Variants in BMERB1 observed in about 807,000 individuals in gnomAD.
The protein encoded by BMERB1 is bMERB domain-containing protein 1.
In BMERB1, 12 loss-of-function variants were observed where a neutral mutation model predicts 23.6. The observed-to-expected ratio is 0.51, with a 90% CI of 0.33 to 0.82. The LOEUF is 0.82. BMERB1 is among the 40% of genes least tolerant of loss of function. The probability of loss-of-function intolerance (pLI) is 0.03; values close to 1 mark genes in which losing one functional copy is unlikely to be tolerated. For synonymous variants in BMERB1, 122 were observed against 96.6 expected, an observed-to-expected ratio of 1.26 and a Z score of -1.54; for missense variants, 247 against 255.4, an observed-to-expected ratio of 0.97 and a Z score of 0.22.
At chr16:15,571,896 G>A (rs1362178484) in intron 3 of BMERB1, among the ~76,000 whole-genome samples, 1 of 152,070 alleles carries the variant, frequency 6.6e-6, no homozygotes, top group African/African-American at 2.4e-5. Flanking sequence ...GAGGGCCAGA[G>A]AATGCAATCC....
chr16:15,510,593 G>C (rs1023992555), intron 1 of BMERB1, among the ~76,000 whole-genome samples: 1 of 152,228 alleles, frequency 6.6e-6, no homozygotes, highest in South Asian at 2.1e-4. Flanking sequence ...ACTCCCCAAG[G>C]CCACACAGCC....
intron 2 of BMERB1, among the ~76,000 whole-genome samples, chr16:15,544,703 C>T (rs1279299853): frequency 1.3e-5 from 2 of 152,200 alleles, no homozygotes; most frequent in East Asian, 3.8e-4. Context: ...AATAACACTA[C>T]TCCTGAAGGC....
At chr16:15,496,943 C>CAAA (rs2051479095) in intron 1 of BMERB1, among the ~76,000 whole-genome samples, 1 of 152,184 alleles carries the variant, frequency 6.6e-6, no homozygotes, top group South Asian at 2.1e-4. Flanking sequence ...GCCAGCCTTT[C>CAAA]ACCATTCACC....
At chr16:15,516,054 G>C (rs1263621820) in intron 2 of BMERB1, among the ~76,000 whole-genome samples, 1 of 152,146 alleles carries the variant, frequency 6.6e-6, no homozygotes, top group Non-Finnish European at 1.5e-5. Context: ...GAGTCCTGGA[G>C]TTCAAGGCTG....
rs375191807 is a variant in BMERB1, at chr16:15,552,205, C to T, written c.231-15778C>T. On this transcript the variant is annotated intron_variant, in intron 2 of 5. Coordinates refer to ENST00000300006, the MANE Select transcript of BMERB1 (RefSeq NM_033201.3). ...CTGTAATCCCAGCACTTTGGGAGGCCGAGGTGGGTGGATCACTTGAGGTCA... is the reference window on the plus strand; with the variant it reads ...CTGTAATCCCAGCACTTTGGGAGGCTGAGGTGGGTGGATCACTTGAGGTCA... 1.1e-4 allele frequency among the ~76,000 whole-genome samples: 16 copies of T among 152,020 alleles called. No homozygotes were observed. In the East Asian group the frequency reaches 2.1e-3, roughly 20 times the overall value.
chr16:15,562,270 T>C (rs1345798641), intron 2 of BMERB1, among the ~76,000 whole-genome samples: 1 of 142,172 alleles, frequency 7.0e-6, no homozygotes, highest in African/African-American at 2.6e-5. Context: ...GCCATTGCAC[T>C]CCAGCCTAGG....
intron 3 of BMERB1, among the ~76,000 whole-genome samples, chr16:15,577,694 C>T (rs2030902199): frequency 6.6e-6 from 1 of 152,132 alleles, no homozygotes; most frequent in South Asian, 2.1e-4. Flanking sequence ...TCTCTCCTCC[C>T]TTCATTTTCC....
chr16:15,584,460 A>G (rs1454141054), intron 5 of BMERB1, among the ~76,000 whole-genome samples: 1 of 151,574 alleles, frequency 6.6e-6, no homozygotes, highest in Non-Finnish European at 1.5e-5. Flanking sequence ...CGGGAAGCTG[A>G]GGCAGGAGAA....
chr16:15,576,030 A>G lies in BMERB1; in HGVS notation c.305-5187A>G, dbSNP rs144904769. Among the ~76,000 whole-genome samples the G allele has an allele frequency of 1.8e-3, 263 of 146,776 alleles. 7 individuals are homozygous for G. In the East Asian group the frequency reaches 0.046, roughly 26 times the overall value. On this transcript the variant is annotated intron_variant, in intron 3 of 5. Transcript: ENST00000300006. The stretch of plus-strand genomic sequence containing the variant: ...CCTGCCTCACCTGATCCATCTCAGC[A>G]TTAGTAATTTTTTTTTTTTTTTTTT...
chr16:15,458,580 G>A (rs1290774535), intron 1 of BMERB1, among the ~76,000 whole-genome samples: 1 of 151,822 alleles, frequency 6.6e-6, no homozygotes, highest in Non-Finnish European at 1.5e-5. Flanking sequence ...AGCTGAGTAT[G>A]GTGGTGCACA....
chr16:15,522,995 G>A (rs568666883), intron 2 of BMERB1, among the ~76,000 whole-genome samples: 33 of 152,216 alleles, frequency 2.2e-4, no homozygotes, highest in African/African-American at 1.2e-4. Context: ...CAGAAGAATC[G>A]GATCACACCT....
At chr16:15,504,227 C>T (rs1035907548) in intron 1 of BMERB1, among the ~76,000 whole-genome samples, 5 of 152,182 alleles carry the variant, frequency 3.3e-5, no homozygotes, top group African/African-American at 1.2e-4. Flanking sequence ...GCCTGGCTCC[C>T]CATGGTGCCT....
Position 15,581,353 on chromosome 16 carries a change from G to A in BMERB1, c.419+22G>A, listed in dbSNP as rs150722366. On this transcript the variant is annotated intron_variant, in intron 4 of 5. Transcript: ENST00000300006. ...TAAGGTGAGTGCACTGCGGGTACCC[G>A]ATCACTGGGCTGCAGGACAGCAACC... is the stretch of plus-strand genomic sequence containing the variant. The A allele has an allele frequency of 2.2e-4, 345 of 1,590,750 alleles. No individual in the cohort carries two copies. The African/African-American group carries it at 4.0e-3, about 18-fold the overall frequency.
chr16:15,445,415 G>T (rs566125972), intron 1 of BMERB1, among the ~76,000 whole-genome samples: 1 of 152,200 alleles, frequency 6.6e-6, no homozygotes, highest in Non-Finnish European at 1.5e-5. Flanking sequence ...GGGTGTGTGA[G>T]TAAGTAGGGG....
At chr16:15,561,466 A>G (rs1598521659) in intron 2 of BMERB1, among the ~76,000 whole-genome samples, 2 of 151,510 alleles carry the variant, frequency 1.3e-5, no homozygotes, top group African/African-American at 4.8e-5. Flanking sequence ...AAAGGGTCTC[A>G]CCACGTTGGC....
intron 1 of BMERB1, among the ~76,000 whole-genome samples, chr16:15,456,067 A>G (rs773842423): frequency 6.6e-6 from 1 of 152,212 alleles, no homozygotes; most frequent in African/African-American, 2.4e-5. Context: ...ATCTTTTTAA[A>G]GTAATAGATG....
chr16:15,471,819 T>G (rs535794985), intron 1 of BMERB1, among the ~76,000 whole-genome samples: 1 of 151,916 alleles, frequency 6.6e-6, no homozygotes, highest in South Asian at 2.1e-4. Context: ...CTCAAGCAAT[T>G]CTCCCACCTC....
intron 2 of BMERB1, among the ~76,000 whole-genome samples, chr16:15,528,709 CT>C (rs1319562947): frequency 2.0e-5 from 3 of 152,162 alleles, no homozygotes; most frequent in South Asian, 2.1e-4. Flanking sequence ...TCCCACCCCC[CT>C]CTCCTTCCCT....
chr16:15,509,077 C>CT (rs2051626617), intron 1 of BMERB1, among the ~76,000 whole-genome samples: 1 of 151,916 alleles, frequency 6.6e-6, no homozygotes. Context: ...CATCCTCCCC[C>CT]GGGGATGGAG....
Sources: gnomAD v4.1 joint callset for allele counts (sites outside exome capture counted in the v4.1 genomes callset) on GRCh38, gnomAD v4.1.1 for gene constraint, MANE v1.5 for transcripts, NCBI Gene and HGNC (gene_info 2026-07-23, HGNC 2026-07-21) for gene names.